MTUS2: variants seen among roughly 807,000 people sequenced by gnomAD.
MTUS2 encodes microtubule associated scaffold protein 2.
Under a neutral mutation model 114.1 loss-of-function variants are expected in MTUS2, and 40 were observed. That is an observed-to-expected ratio of 0.35 (90% confidence interval 0.27 to 0.46). MTUS2 has a LOEUF of 0.46. Ranked by LOEUF, MTUS2 falls within the 20% of genes least tolerant of loss-of-function variation. MTUS2 has a pLI of 1.00. For synonymous variants in MTUS2, 688 were observed against 672.0 expected (o/e 1.02, Z -0.37); for missense variants, 1,679 against 1,705.4 (o/e 0.98, Z 0.27).
chr13:28,853,470 C>G (rs1260221870), intron 2 of MTUS2, among the ~76,000 whole-genome samples: 1 of 152,182 alleles, frequency 6.6e-6, no homozygotes, highest in Non-Finnish European at 1.5e-5. Flanking sequence ...GCTATAAGGA[C>G]TGACACAGAT....
intron 5 of MTUS2, among the ~76,000 whole-genome samples, chr13:29,232,949 G>A (rs530518139): frequency 6.6e-5 from 10 of 152,296 alleles, no homozygotes; most frequent in Non-Finnish European, 1.3e-4. Flanking sequence ...GGATTTCACA[G>A]TGAATGTTCC....
At chr13:29,237,222 G>A (rs757552977) in intron 5 of MTUS2, among the ~76,000 whole-genome samples, 3 of 152,166 alleles carry the variant, frequency 2.0e-5, no homozygotes, top group Non-Finnish European at 4.4e-5. Context: ...ATGTTCATTT[G>A]TGGTGGCTTT....
At chr13:28,993,466 A>C (rs984642460) in intron 2 of MTUS2, among the ~76,000 whole-genome samples, 1 of 152,164 alleles carries the variant, frequency 6.6e-6, no homozygotes, top group Non-Finnish European at 1.5e-5. Flanking sequence ...TGCTGTGCAG[A>C]AGCTCTTTAG....
At chr13:29,109,180 C>T (rs1239423517) in intron 5 of MTUS2, among the ~76,000 whole-genome samples, 12 of 152,078 alleles carry the variant, frequency 7.9e-5, no homozygotes. Context: ...GTATAACAGA[C>T]AAATAAAGAT....
intron 4 of MTUS2, among the ~76,000 whole-genome samples, chr13:29,077,121 C>A (rs1488115881): frequency 6.6e-6 from 1 of 152,164 alleles, no homozygotes; most frequent in East Asian, 1.9e-4. Context: ...TAATACAGTT[C>A]TGAAATGTGC....
intron 6 of MTUS2, among the ~76,000 whole-genome samples, chr13:29,305,853 A>G (rs752865297): frequency 1.2e-4 from 18 of 152,374 alleles, no homozygotes; most frequent in Non-Finnish European, 2.2e-4. Flanking sequence ...ACTTCAGGCC[A>G]GTATCCTTGA....
At chr13:28,990,817 T>A (rs1057483761) in intron 2 of MTUS2, among the ~76,000 whole-genome samples, 1 of 151,318 alleles carries the variant, frequency 6.6e-6, no homozygotes, top group Non-Finnish European at 1.5e-5. Context: ...TGCTGCTCAC[T>A]GTTTGGGTCA....
intron 5 of MTUS2, among the ~76,000 whole-genome samples, chr13:29,195,293 C>G (rs1894640010): frequency 6.6e-6 from 1 of 151,022 alleles, no homozygotes; most frequent in South Asian, 2.1e-4. Flanking sequence ...GTGTAGGAAA[C>G]TTGGATATTA....
At chr13:29,105,128 A>G (rs1421810318) in intron 5 of MTUS2, among the ~76,000 whole-genome samples, 2 of 152,184 alleles carry the variant, frequency 1.3e-5, no homozygotes, top group South Asian at 4.1e-4. Context: ...GAGTTGCTCA[A>G]CTGGTATAAT....
intron 4 of MTUS2, among the ~76,000 whole-genome samples, chr13:29,089,967 T>C (rs1889864391): frequency 6.6e-6 from 1 of 152,340 alleles, no homozygotes. Flanking sequence ...GAAACATTGC[T>C]GGGGAGCTAA....
At chr13:29,402,238 C>G (rs1471707624) in intron 8 of MTUS2, among the ~76,000 whole-genome samples, 5 of 152,148 alleles carry the variant, frequency 3.3e-5, no homozygotes, top group Non-Finnish European at 5.9e-5. Flanking sequence ...GACCCCACCA[C>G]TCTAGGCTCT....
chr13:29,334,099 T>C (rs1417926620), intron 7 of MTUS2, among the ~76,000 whole-genome samples: 1 of 152,218 alleles, frequency 6.6e-6, no homozygotes, highest in Non-Finnish European at 1.5e-5. Context: ...CCTATGTGTG[T>C]CTTTGCACGT....
chr13:29,387,488 G>C lies in MTUS2; in HGVS notation c.3117+28015G>C, dbSNP rs149752563. ...CTAAGAACAAGAGAAAGCCAGTTAAGCTGTGGGGCAGACATGTGACAATCT... is the reference window on the plus strand; with the variant it reads ...CTAAGAACAAGAGAAAGCCAGTTAACCTGTGGGGCAGACATGTGACAATCT... On this transcript the variant is annotated intron_variant, in intron 8 of 15. Transcript: ENST00000612955. Among the ~76,000 whole-genome samples the C allele has an allele frequency of 2.4e-4, 36 of 152,302 alleles. No homozygotes were observed. In the East Asian group the frequency reaches 6.4e-3, roughly 27 times the overall value.
chr13:28,946,293 GTGTGTGTGTGT>G (rs1882525358), intron 2 of MTUS2, among the ~76,000 whole-genome samples: 2 of 151,806 alleles, frequency 1.3e-5, no homozygotes, highest in African/African-American at 4.9e-5. Flanking sequence ...GTGTGTGTGT[GTGTGTGTGTGT>G]GCGCGCGCAC....
chr13:29,319,697 G>C (rs1900171883), intron 6 of MTUS2, among the ~76,000 whole-genome samples: 1 of 152,278 alleles, frequency 6.6e-6, no homozygotes, highest in Non-Finnish European at 1.5e-5. Context: ...GGAGGGAAGG[G>C]TTGATTCCCC....
chr13:28,948,517 T>G (rs1206916446), intron 2 of MTUS2, among the ~76,000 whole-genome samples: 3 of 152,178 alleles, frequency 2.0e-5, no homozygotes, highest in African/African-American at 7.2e-5. Context: ...TGTCTGAAGT[T>G]CTGTGCGTGA....
intron 13 of MTUS2, among the ~76,000 whole-genome samples, chr13:29,498,179 G>T (rs1882671516): frequency 6.6e-6 from 1 of 152,184 alleles, no homozygotes; most frequent in South Asian, 2.1e-4. Flanking sequence ...ACTTGCCAGT[G>T]GTTGATGGCC....
rs752004975 is a variant in MTUS2, at chr13:29,025,359, C to G, written c.661C>G (p.Pro221Ala). ...TGGGGAGGGGCCACAGAAGACATTGCCAGACCACGCTGTCCCGGCAGCTTT... is the reference window on the plus strand; with the variant it reads ...TGGGGAGGGGCCACAGAAGACATTGGCAGACCACGCTGTCCCGGCAGCTTT... ...GGGEGPQKTL[P>A]DHAVPAAFPA... Residue 221 changes from proline (P) to alanine (A), a missense_variant, in exon 3 of 16, where the codon CCA (proline) becomes GCA (alanine). Pro to Ala is a conservative substitution (Grantham distance 27). Coordinates refer to ENST00000612955, the MANE Select transcript of MTUS2 (RefSeq NM_001033602.4). 4.3e-6 allele frequency: 7 copies of G among 1,613,546 alleles called. No individual in the cohort carries two copies. In the African/African-American group the frequency reaches 6.7e-5, roughly 15 times the overall value.
intron 2 of MTUS2, among the ~76,000 whole-genome samples, chr13:28,865,269 G>A (rs1423551431): frequency 1.3e-5 from 2 of 152,138 alleles, no homozygotes; most frequent in African/African-American, 4.8e-5. Context: ...TTAAAGATTG[G>A]GCTGCAGGTG....
Sources: gnomAD v4.1 joint callset for allele counts (sites outside exome capture counted in the v4.1 genomes callset) on GRCh38, gnomAD v4.1.1 for gene constraint, MANE v1.5 for transcripts, NCBI Gene and HGNC (gene_info 2026-07-23, HGNC 2026-07-21) for gene names.